The following SYT16 variants were observed in gnomAD, a reference collection of about 807,000 sequenced individuals.
SYT16 encodes the protein synaptotagmin 16, also known as synaptotagmin-16.
A neutral mutation model predicts 61.4 loss-of-function variants in SYT16; 42 were observed. The ratio of observed to expected loss-of-function variants is 0.68; its 90% confidence interval spans 0.53 to 0.89. The LOEUF is 0.89. Ranked by LOEUF, SYT16 falls within the 40% of genes least tolerant of loss-of-function variation. The pLI is 0.00. For synonymous variants in SYT16, 314 were observed against 302.3 expected (o/e 1.04, Z -0.40); for missense variants, 804 against 807.3 (o/e 1.00, Z 0.05).
chr14:61,816,934 C>T (rs1012372715), intron 1 of SYT16, among the ~76,000 whole-genome samples: 1 of 151,134 alleles, frequency 6.6e-6, no homozygotes, highest in Non-Finnish European at 1.5e-5. Context: ...TGGCGTGAAC[C>T]CGGAAGGTGG....
At chr14:61,960,073 C>T (rs2051054684) in intron 1 of SYT16, among the ~76,000 whole-genome samples, 1 of 152,184 alleles carries the variant, frequency 6.6e-6, no homozygotes, top group East Asian at 1.9e-4. Context: ...CTCAAGTGAT[C>T]TGCCCACTTC....
rs1440533662 is a variant in SYT16, at chr14:61,889,591, T to G, written c.-325+76781T>G. ...CTTCCCTCTGCTCGCTCTTGCTCCC[T>G]CTCTCTCTCTCTCTGTCTCCCTCCC... is the stretch of plus-strand genomic sequence containing the variant. On this transcript the variant is annotated intron_variant, in intron 1 of 7. Coordinates refer to ENST00000683842, the MANE Select transcript of SYT16 (RefSeq NM_001367656.1). Among the ~76,000 whole-genome samples, 256 of 148,786 alleles carry G rather than the reference T, an allele frequency of 1.7e-3. 1 individual carries two copies. The highest frequency in any genetic ancestry group is 2.5e-3 in the Non-Finnish European group (165 of 66,644).
chr14:62,094,104 TTC>T lies in SYT16; in HGVS notation c.1625-6287_1625-6286del. ...CATGATTGAAGGTGACATTTATCAC[TTC>T]TCATATTCCATTTTTCAGAACTCAG... On this transcript the variant is annotated intron_variant, in intron 7 of 7. Coordinates refer to ENST00000683842, the MANE Select transcript of SYT16 (RefSeq NM_001367656.1). Among the ~76,000 whole-genome samples the T allele has an allele frequency of 1.3e-5, 2 of 152,208 alleles. 1 individual carries two copies. Among genetic ancestry groups the T allele is most frequent in the Middle Eastern group, 6.8e-3 (2 of 294 alleles).
chr14:62,062,673 C>G lies in SYT16; in HGVS notation c.524-6930C>G, dbSNP rs557179882. On this transcript the variant is annotated intron_variant, in intron 3 of 7. Transcript: ENST00000683842. ...AATGTGGGCAGTTGTCATCTTTGAT[C>G]TCCCTTCTGCTTTTTTTTTTATCCT... Among the ~76,000 whole-genome samples the G allele has an allele frequency of 1.4e-4, 22 of 152,198 alleles. No homozygotes were observed. In the East Asian group the frequency reaches 3.9e-3, roughly 27 times the overall value.
chr14:62,000,267 A>G (rs2052957023), intron 3 of SYT16, among the ~76,000 whole-genome samples: 1 of 151,618 alleles, frequency 6.6e-6, no homozygotes, highest in African/African-American at 2.4e-5. Context: ...ACGTACATGT[A>G]TTAGAAATAT....
chr14:62,087,980 AG>A (rs2056944131), intron 7 of SYT16, among the ~76,000 whole-genome samples: 1 of 152,182 alleles, frequency 6.6e-6, no homozygotes, highest in Non-Finnish European at 1.5e-5. Flanking sequence ...ATTTGCACCA[AG>A]TATTGGTGAG....
In SYT16 at chr14:62,075,195, A is replaced by T. The variant is rs376399420; in HGVS notation, c.797A>T (p.His266Leu). 6.2e-7 allele frequency: 1 copy of T among 1,613,172 alleles called. No homozygotes were observed. Among genetic ancestry groups the T allele is most frequent in the African/African-American group, 1.3e-5 (1 of 74,912 alleles). The change falls in exon 5 of 8, where the codon CAC becomes CTC. Residue 266 changes from histidine to leucine, a missense_variant. By Grantham distance (99) the His-to-Leu change is moderately conservative. Transcript: ENST00000683842. Reference sequence around the variant, plus strand: ...AATCTCTCCTACGGTGAAGATGACCACATCCCTGCTCACTCACAGTCCCCA... The same window carrying T: ...AATCTCTCCTACGGTGAAGATGACCTCATCCCTGCTCACTCACAGTCCCCA... ...SENLSYGEDD[H>L]IPAHSQSPCE...
At chr14:62,035,695 A>G (rs1238042062) in intron 3 of SYT16, among the ~76,000 whole-genome samples, 1 of 152,240 alleles carries the variant, frequency 6.6e-6, no homozygotes, top group Non-Finnish European at 1.5e-5. Context: ...AGTTGGGGCT[A>G]AAATCCAGAG....
chr14:61,882,316 A>C (rs1317997134), intron 1 of SYT16, among the ~76,000 whole-genome samples: 1 of 152,232 alleles, frequency 6.6e-6, no homozygotes, highest in Non-Finnish European at 1.5e-5. Flanking sequence ...CCACATTTTC[A>C]AAGCATCTGT....
At chr14:61,848,719 T>C (rs1158506572) in intron 1 of SYT16, among the ~76,000 whole-genome samples, 1 of 152,206 alleles carries the variant, frequency 6.6e-6, no homozygotes, top group Non-Finnish European at 1.5e-5. Context: ...AGACAGAGCC[T>C]GGAGTCAGAA....
intron 1 of SYT16, among the ~76,000 whole-genome samples, chr14:61,927,787 C>A (rs144205716): frequency 6.6e-6 from 1 of 152,122 alleles, no homozygotes; most frequent in Non-Finnish European, 1.5e-5. Context: ...GTATTATTAA[C>A]TCCAAGGAGA....
At chr14:61,912,594 G>A (rs556485787) in intron 1 of SYT16, among the ~76,000 whole-genome samples, 1 of 152,224 alleles carries the variant, frequency 6.6e-6, no homozygotes, top group African/African-American at 2.4e-5. Flanking sequence ...CTGATTTATT[G>A]TGTTGAGTGC....
intron 3 of SYT16, among the ~76,000 whole-genome samples, chr14:62,049,962 T>C (rs536190224): frequency 6.6e-6 from 1 of 152,320 alleles, no homozygotes; most frequent in Non-Finnish European, 1.5e-5. Context: ...GGAGTTGCTC[T>C]TCTCAAAGAG....
At chr14:62,004,466 G>A (rs2053145398) in intron 3 of SYT16, among the ~76,000 whole-genome samples, 1 of 152,084 alleles carries the variant, frequency 6.6e-6, no homozygotes, top group Non-Finnish European at 1.5e-5. Flanking sequence ...GTATAATCCT[G>A]TAAACAGTTG....
chr14:61,921,456 G>A (rs1455669464), intron 1 of SYT16, among the ~76,000 whole-genome samples: 1 of 152,198 alleles, frequency 6.6e-6, no homozygotes, highest in Admixed American at 6.5e-5. Flanking sequence ...AGTCTCTGTA[G>A]CAGGAAACTT....
chr14:62,005,420 G>T (rs1205791734), intron 3 of SYT16, among the ~76,000 whole-genome samples: 2 of 152,082 alleles, frequency 1.3e-5, no homozygotes, highest in South Asian at 2.1e-4. Context: ...GAGTCCCAAG[G>T]TTCCTATCCA....
At chr14:62,040,855 A>T (rs1403484527) in intron 3 of SYT16, among the ~76,000 whole-genome samples, 1 of 152,132 alleles carries the variant, frequency 6.6e-6, no homozygotes, top group Non-Finnish European at 1.5e-5. Flanking sequence ...TTGGTGTGGT[A>T]CGTTTGTTAC....
chr14:62,024,266 A>C (rs2054017959), intron 3 of SYT16, among the ~76,000 whole-genome samples: 1 of 152,126 alleles, frequency 6.6e-6, no homozygotes, highest in South Asian at 2.1e-4. Flanking sequence ...ATAAGTGAAA[A>C]GTAGTAGTGT....
chr14:61,864,133 A>C (rs1228069897), intron 1 of SYT16, among the ~76,000 whole-genome samples: 1 of 152,206 alleles, frequency 6.6e-6, no homozygotes, highest in Non-Finnish European at 1.5e-5. Context: ...AATAGACCAC[A>C]ATTTGTTTAT....
Sources: gnomAD v4.1 joint callset for allele counts (sites outside exome capture counted in the v4.1 genomes callset) on GRCh38, gnomAD v4.1.1 for gene constraint, MANE v1.5 for transcripts, NCBI Gene and HGNC (gene_info 2026-07-23, HGNC 2026-07-21) for gene names.